Variants in SLC2A5 observed in about 807,000 individuals in gnomAD.
SLC2A5 encodes the protein solute carrier family 2, facilitated glucose transporter member 5.
A neutral mutation model predicts 50.3 loss-of-function variants in SLC2A5; 56 were observed. The observed-to-expected ratio is 1.11, with a 90% CI of 0.90 to 1.39. The LOEUF (loss-of-function observed/expected upper bound fraction) is 1.39. Among genes scored for constraint, SLC2A5 ranks in the 40% most tolerant of loss-of-function variants. The pLI is 0.00. For synonymous variants in SLC2A5, 269 were observed against 281.9 expected (o/e 0.95, Z 0.46); for missense variants, 566 against 650.1 (o/e 0.87, Z 1.41).
intron 4 of SLC2A5, among the ~76,000 whole-genome samples, chr1:9,043,310 A>G (rs1280187318): frequency 6.6e-6 from 1 of 152,168 alleles, no homozygotes; most frequent in Non-Finnish European, 1.5e-5. Flanking sequence ...CTGTTTGGCA[A>G]TTCTACCCAC....
At chr1:9,069,437 A>G in intron 1 of SLC2A5, 67 bp downstream of exon 1, 1 of 1,559,434 alleles carries the variant, frequency 6.4e-7, no homozygotes, top group Non-Finnish European at 8.8e-7. Flanking sequence ...GCGACTCTCC[A>G]GGAAGGCTGC....
intron 4 of SLC2A5, among the ~76,000 whole-genome samples, chr1:9,046,043 A>C (rs1641426485): frequency 6.6e-6 from 1 of 151,984 alleles, no homozygotes; most frequent in South Asian, 2.1e-4. Context: ...CTGCCAATTA[A>C]TCCTAGCTGA....
chr1:9,073,462 C>T (rs1642247044), upstream of SLC2A5, among the ~76,000 whole-genome samples: 1 of 152,250 alleles, frequency 6.6e-6, no homozygotes, highest in Admixed American at 6.5e-5. Context: ...GTAGATGCCA[C>T]CAGCTTGGGC....
At chr1:9,070,371 G>A (rs1461331603), upstream of SLC2A5, among the ~76,000 whole-genome samples, 1 of 152,212 alleles carries the variant, frequency 6.6e-6, no homozygotes, top group Non-Finnish European at 1.5e-5. Flanking sequence ...GTGAGCCATC[G>A]TGTCCGGCCT....
In SLC2A5 at chr1:9,037,660, T is replaced by G. The variant is rs1641166835; in HGVS notation, c.1432A>C (p.Met478Leu). Residue 478 changes from methionine (M) to leucine (L), a missense_variant, in exon 12 of 12, where the codon ATG becomes CTG. Physicochemically the swap from Met to Leu is conservative, Grantham distance 15. Coordinates refer to ENST00000377424, the MANE Select transcript of SLC2A5 (RefSeq NM_003039.3). ...FIEINQIFTK[M>L]NKVSEVYPEK... ...GGGTACACTTCAGACACCTTATTCATCTTGGTGAAAATCTGGTTGATCTCT... is the reference window on the plus strand; with the variant it reads ...GGGTACACTTCAGACACCTTATTCAGCTTGGTGAAAATCTGGTTGATCTCT... 6.2e-7 allele frequency: 1 copy of G among 1,614,168 alleles called. No homozygotes were observed. The highest frequency in any genetic ancestry group is 2.2e-5 in the East Asian group (1 of 44,872).
chr1:9,084,807 G>A (rs1300680940), intron 2 of SLC2A5, among the ~76,000 whole-genome samples: 2 of 152,208 alleles, frequency 1.3e-5, no homozygotes, highest in East Asian at 3.8e-4. Flanking sequence ...ACCAGCAACA[G>A]CCCCATCACC....
intron 2 of SLC2A5, among the ~76,000 whole-genome samples, chr1:9,079,008 C>T (rs1170480941): frequency 1.3e-5 from 2 of 152,152 alleles, no homozygotes; most frequent in African/African-American, 4.8e-5. Flanking sequence ...TCGGTTGACA[C>T]AGGACCTCCC....
chr1:9,071,213 C>T (rs1271396786), upstream of SLC2A5, among the ~76,000 whole-genome samples: 1 of 152,120 alleles, frequency 6.6e-6, no homozygotes, highest in Non-Finnish European at 1.5e-5. Context: ...AGTTCGAGAC[C>T]AGTCTGACCA....
intron 4 of SLC2A5, among the ~76,000 whole-genome samples, chr1:9,044,851 G>A (rs1390378360): frequency 1.3e-5 from 2 of 152,096 alleles, no homozygotes; most frequent in Admixed American, 1.3e-4. Flanking sequence ...CACTGCACCC[G>A]GCCATATGCG....
At chr1:9,060,072 CT>C (rs1641876363) in intron 1 of SLC2A5, among the ~76,000 whole-genome samples, 1 of 121,440 alleles carries the variant, frequency 8.2e-6, no homozygotes, top group Non-Finnish European at 1.7e-5. Context: ...AATACACACA[CT>C]ACACACACAC....
chr1:9,055,243 T>A (rs553165694), intron 3 of SLC2A5, among the ~76,000 whole-genome samples: 1 of 151,864 alleles, frequency 6.6e-6, no homozygotes, highest in African/African-American at 2.4e-5. Flanking sequence ...ATTAGCCGGG[T>A]GCGGTGGCTC....
upstream of SLC2A5, among the ~76,000 whole-genome samples, chr1:9,073,386 G>A (rs866618280): frequency 6.6e-6 from 1 of 152,244 alleles, no homozygotes. Context: ...GATGCCATAT[G>A]GCAGGCAGCT....
intron 4 of SLC2A5, among the ~76,000 whole-genome samples, chr1:9,043,566 G>A (rs1641360244): frequency 6.6e-6 from 1 of 152,032 alleles, no homozygotes; most frequent in African/African-American, 2.4e-5. Context: ...GAGCATCTTG[G>A]TGAAGGATAT....
chr1:9,035,359 T>C lies in SLC2A5; in HGVS notation c.*2227A>G, dbSNP rs1641115650. 6.6e-6 allele frequency: 1 copy of C among 152,276 alleles called. No homozygotes were observed. 9.4% of individuals were successfully genotyped at this position (152,276 alleles called of 1,614,324 possible). On this transcript the variant is annotated 3_prime_UTR_variant, in exon 12 of 12. Transcript: ENST00000377424. The stretch of plus-strand genomic sequence containing the variant: ...TCCTCAGCTCTGAGAGCCTTCATCT[T>C]TGGTTGTTTCTGTGCCCCTTCCAGG...
intron 3 of SLC2A5, among the ~76,000 whole-genome samples, chr1:9,055,269 G>A (rs61668971): frequency 0.013 from 1,922 of 152,216 alleles, 38 homozygotes; most frequent in African/African-American, 0.044. Flanking sequence ...TGTAATCTCA[G>A]CACTTTGGGA....
At chr1:9,053,252 A>ATATATTATATATT (rs1316929338) in intron 3 of SLC2A5, among the ~76,000 whole-genome samples, 1 of 12,714 alleles carries the variant, frequency 7.9e-5, no homozygotes, top group Admixed American at 1.4e-3. Context: ...TATTATATTT[A>ATATATTATATATT]TATATTATAT....
At chr1:9,082,232 C>T (rs1642362841) in intron 2 of SLC2A5, among the ~76,000 whole-genome samples, 1 of 152,122 alleles carries the variant, frequency 6.6e-6, no homozygotes, top group African/African-American at 2.4e-5. Flanking sequence ...ACCATATGAC[C>T]TAGCAATTCT....
Position 9,087,849 on chromosome 1 carries a change from T to C in SLC2A5, c.-188+523A>G, listed in dbSNP as rs1642419690. ...TTGCTCCCTCTTCCTTCCTCTTCTC[T>C]CTCTCTCTCTTCCTCGTGTGCCTCC... On this transcript the variant is annotated intron_variant, in intron 1 of 5. Coordinates refer to the SLC2A5 transcript ENST00000464985. 2.0e-5 allele frequency among the ~76,000 whole-genome samples: 3 copies of C among 152,076 alleles called. No homozygotes were observed. The South Asian group carries it at 6.2e-4, about 32-fold the overall frequency.
At chr1:9,070,896 A>G (rs1428706511), upstream of SLC2A5, among the ~76,000 whole-genome samples, 1 of 152,088 alleles carries the variant, frequency 6.6e-6, no homozygotes, top group East Asian at 1.9e-4. Flanking sequence ...AGAACTCAGC[A>G]TTCCCTTTCA....
Sources: gnomAD v4.1 joint callset for allele counts (sites outside exome capture counted in the v4.1 genomes callset) on GRCh38, gnomAD v4.1.1 for gene constraint, MANE v1.5 for transcripts, NCBI Gene and HGNC (gene_info 2026-07-23, HGNC 2026-07-21) for gene names.